The following ZNF547 variants were observed in gnomAD, a reference collection of about 807,000 sequenced individuals.
ZNF547 encodes zinc finger protein 547.
Under a neutral mutation model 7.7 loss-of-function variants are expected in ZNF547, and 4 were observed. The ratio of observed to expected loss-of-function variants is 0.52; its 90% confidence interval spans 0.26 to 1.20. ZNF547 has a LOEUF of 1.20. Ranked by LOEUF, ZNF547 falls within the 50% of genes most tolerant of loss-of-function variation. ZNF547 has a pLI of 0.14. For synonymous variants in ZNF547, 166 were observed against 166.2 expected, an observed-to-expected ratio of 1.00 and a Z score of 0.01; for missense variants, 449 against 485.8, an observed-to-expected ratio of 0.92 and a Z score of 0.71.
intron 3 of ZNF547, among the ~76,000 whole-genome samples, chr19:57,375,040 G>A (rs1029782149): frequency 2.0e-5 from 3 of 152,136 alleles, no homozygotes; most frequent in Non-Finnish European, 2.9e-5. Context: ...ATATTTGTCC[G>A]TTCTCACACT....
In ZNF547 at chr19:57,371,786, A is replaced by G. The variant is rs759027545; in HGVS notation, c.29A>G (p.His10Arg). The G allele has an allele frequency of 1.9e-5, 30 of 1,610,532 alleles. No individual in the cohort carries two copies. The Admixed American group carries it at 4.9e-4, about 27-fold the overall frequency. ...TCATCTTTCCCAATTTGGCAGGGTC[A>G]TGTGGTTTTTGAAGACGTGGCCATA... MAEMNPAQG[H>R]VVFEDVAIYF... Residue 10 changes from histidine (H) to arginine (R), a missense_variant, in exon 3 of 4, where the codon CAT becomes CGT. By Grantham distance (29) the His-to-Arg change is conservative. Transcript: ENST00000282282.
chr19:57,375,019 A>G (rs755765814), intron 3 of ZNF547, among the ~76,000 whole-genome samples: 2 of 152,138 alleles, frequency 1.3e-5, no homozygotes, highest in Non-Finnish European at 2.9e-5. Flanking sequence ...CTACCTCAGT[A>G]CCAGTTTACT....
Position 57,378,566 on chromosome 19 carries a change from A to C in ZNF547, c.*381A>C. 2.6e-6 allele frequency: 1 copy of C among 386,400 alleles called. No homozygotes were observed. Among genetic ancestry groups the C allele is most frequent in the Non-Finnish European group, 5.0e-6 (1 of 198,122 alleles). The allele number at this position is 386,400 out of a possible 1,614,324, so 23.9% of individuals were successfully genotyped here. A position where few individuals can be genotyped will look rare whatever the true frequency, so the allele number is the denominator to read the frequency against. ...CATTATTTTGCTACTACTCCACACTACTTAGACATCATGTAGTTCACACTG... is the reference window on the plus strand; with the variant it reads ...CATTATTTTGCTACTACTCCACACTCCTTAGACATCATGTAGTTCACACTG... On this transcript the variant is annotated 3_prime_UTR_variant, in exon 4 of 4. Coordinates refer to ENST00000282282, the MANE Select transcript of ZNF547 (RefSeq NM_173631.4).
intron 1 of ZNF547, among the ~76,000 whole-genome samples, chr19:57,365,853 T>C (rs1187680516): frequency 6.7e-6 from 1 of 149,212 alleles, no homozygotes; most frequent in African/African-American, 2.5e-5. Flanking sequence ...TCTTTTTCTT[T>C]CTTTCTTTCT....
Position 57,378,033 on chromosome 19 carries a change from G to T in ZNF547, c.1057G>T (p.Glu353Ter), listed in dbSNP as rs1345805654. 1 of 1,614,142 alleles carries T rather than the reference G, an allele frequency of 6.2e-7. No homozygotes were observed. Among genetic ancestry groups the T allele is most frequent in the South Asian group, 1.1e-5 (1 of 91,080 alleles). ...AGTTCACACTGGAGAACGGCCTTATGAATGCAGTGAGTGTGGGAAGGCCTT... is the reference window on the plus strand; with the variant it reads ...AGTTCACACTGGAGAACGGCCTTATTAATGCAGTGAGTGTGGGAAGGCCTT... ...QRVHTGERPY[E>*]CSECGKAFLT... is the part of the protein sequence containing the mutation. Residue 353 changes from glutamate (E) to a stop codon, truncating the protein, a stop_gained, in exon 4 of 4, where the codon GAA becomes TAA. Coordinates refer to ENST00000282282, the MANE Select transcript of ZNF547 (RefSeq NM_173631.4). LOFTEE classifies it low-confidence loss of function (END_TRUNC).
chr19:57,364,708 T>G lies in ZNF547; in HGVS notation c.-13+1005T>G, dbSNP rs561340037. ...GTGAGCCAAGATCGCGCCATTGCACTCCAGCCTGGGCGACAGAGCGAGATT... is the reference window on the plus strand; with the variant it reads ...GTGAGCCAAGATCGCGCCATTGCACGCCAGCCTGGGCGACAGAGCGAGATT... On this transcript the variant is annotated intron_variant, in intron 1 of 3. Coordinates refer to ENST00000282282, the MANE Select transcript of ZNF547 (RefSeq NM_173631.4). 1.6e-4 allele frequency: 136 copies of G among 825,588 alleles called. No homozygotes were observed. In the African/African-American group the frequency reaches 2.1e-3, roughly 13 times the overall value. 51.1% of individuals were successfully genotyped at this position (825,588 alleles called of 1,614,324 possible). A position where few individuals can be genotyped will look rare whatever the true frequency, so the allele number is the denominator to read the frequency against.
chr19:57,377,784 T>C lies in ZNF547; in HGVS notation c.808T>C (p.Cys270Arg). The C allele has an allele frequency of 6.2e-7, 1 of 1,614,218 alleles. No homozygotes were observed. Among genetic ancestry groups the C allele is most frequent in the Non-Finnish European group, 8.5e-7 (1 of 1,180,036 alleles). Reference sequence around the variant, plus strand: ...TCACACTGGAAAGAGGCCTTATGGTTGCAGTGAATGTGGGAAGTTCTTTAA... The same window carrying C: ...TCACACTGGAAAGAGGCCTTATGGTCGCAGTGAATGTGGGAAGTTCTTTAA... ...RVHTGKRPYGCSECGKFFKCN... is the reference protein window; with the variant it reads ...RVHTGKRPYGRSECGKFFKCN... Residue 270 changes from cysteine (C) to arginine (R), a missense_variant, in exon 4 of 4, where the codon TGC (cysteine) becomes CGC (arginine). Coordinates refer to ENST00000282282, the MANE Select transcript of ZNF547 (RefSeq NM_173631.4).
chr19:57,377,426 C>T lies in ZNF547; in HGVS notation c.450C>T (p.His150=). 1.9e-6 allele frequency: 3 copies of T among 1,614,242 alleles called. No individual in the cohort carries two copies. The South Asian group carries it at 3.3e-5, about 18-fold the overall frequency. Residue 150 remains histidine, a synonymous_variant, in exon 4 of 4, where the codon CAC becomes CAT. Coordinates refer to ENST00000282282, the MANE Select transcript of ZNF547 (RefSeq NM_173631.4). Reference sequence around the variant, plus strand: ...CATTTGTGAAGAACCACAGAGTTCACATGGCAGGGAAGACCTTCTTGTGCA... The same window carrying T: ...CATTTGTGAAGAACCACAGAGTTCATATGGCAGGGAAGACCTTCTTGTGCA... ...RPTFVKNHRV[H]MAGKTFLCSE...
chr19:57,363,776 G>C (rs1374395284), intron 1 of ZNF547, 73 bp downstream of exon 1: 3 of 149,998 alleles, frequency 2.0e-5, no homozygotes, highest in African/African-American at 4.9e-5. Context: ...CCATAGAAGG[G>C]GCCCTGCAGG....
intron 3 of ZNF547, among the ~76,000 whole-genome samples, chr19:57,374,996 C>G (rs1005891356): frequency 3.2e-4 from 48 of 152,188 alleles, no homozygotes; most frequent in African/African-American, 1.1e-3. Context: ...GGTATCCTTA[C>G]AGCAGTATTT....
intron 1 of ZNF547, chr19:57,364,047 G>A (rs730315): frequency 0.021 from 3,192 of 152,426 alleles, 69 homozygotes; most frequent in East Asian, 0.084. Flanking sequence ...GGAGGGGCAG[G>A]TCCAGAGTTA....
At position 57,371,842 on chromosome 19, in the gene ZNF547, G is replaced by A. The variant is rs746742923; in HGVS notation, c.85G>A (p.Asp29Asn). 16 of 1,613,676 alleles carry A rather than the reference G, an allele frequency of 9.9e-6. No homozygotes were observed. Among genetic ancestry groups the A allele is most frequent in the African/African-American group, 8.0e-5 (6 of 74,886 alleles). The change falls in exon 3 of 4, where the codon GAT becomes AAT. Residue 29 changes from aspartate (D) to asparagine (N), a missense_variant. Physicochemically the swap from Asp to Asn is conservative, Grantham distance 23. Transcript: ENST00000282282. ...CTCCCAGGAGGAGTGGGGGCATCTC[G>A]ATGAGGCTCAGAGATTGCTGTACCG... ...YFSQEEWGHLDEAQRLLYRDV... is the reference protein window; with the variant it reads ...YFSQEEWGHLNEAQRLLYRDV...
At chr19:57,366,205 TG>T (rs1478651022) in intron 1 of ZNF547, among the ~76,000 whole-genome samples, 102 of 149,568 alleles carry the variant, frequency 6.8e-4, no homozygotes, top group Non-Finnish European at 9.6e-4. Flanking sequence ...AGCTTTTTTG[TG>T]TGTGTGTGTA....
intron 1 of ZNF547, among the ~76,000 whole-genome samples, chr19:57,366,648 C>T (rs774194462): frequency 2.8e-5 from 4 of 144,690 alleles, no homozygotes; most frequent in Admixed American, 7.0e-5. Context: ...TGACTTCAAG[C>T]GATTCTCCTG....
intron 3 of ZNF547, among the ~76,000 whole-genome samples, chr19:57,376,774 T>C (rs1024772832): frequency 2.0e-5 from 3 of 152,148 alleles, no homozygotes; most frequent in Non-Finnish European, 2.9e-5. Context: ...ATAAAATGTA[T>C]TTAATCCTAA....
At chr19:57,367,448 A>G (rs1468533034) in intron 1 of ZNF547, among the ~76,000 whole-genome samples, 2 of 150,204 alleles carry the variant, frequency 1.3e-5, no homozygotes, top group Non-Finnish European at 3.0e-5. Context: ...AAAAAAAAAG[A>G]ATAGAGGGTG....
intron 3 of ZNF547, among the ~76,000 whole-genome samples, chr19:57,376,665 C>A (rs927324120): frequency 2.6e-5 from 4 of 152,128 alleles, no homozygotes; most frequent in African/African-American, 9.7e-5. Context: ...GGTGATTACC[C>A]TTATCTTGTC....
Position 57,377,518 on chromosome 19 carries a change from A to C in ZNF547, c.542A>C (p.Glu181Ala), listed in dbSNP as rs1284658927. The change falls in exon 4 of 4, where the codon GAA becomes GCA. Residue 181 changes from glutamate to alanine, a missense_variant. By Grantham distance (107) the Glu-to-Ala change is moderately radical. Transcript: ENST00000282282. ...LSDHQKIHTG[E>A]RTYKCSKCGI... ...GACCATCAGAAAATCCACACTGGAGAAAGAACTTATAAGTGCAGCAAATGT... is the reference window on the plus strand; with the variant it reads ...GACCATCAGAAAATCCACACTGGAGCAAGAACTTATAAGTGCAGCAAATGT... 17 of 1,614,122 alleles carry C rather than the reference A, an allele frequency of 1.1e-5. No individual in the cohort carries two copies. The highest frequency in any genetic ancestry group is 1.3e-5 in the Non-Finnish European group (15 of 1,180,056).
chr19:57,366,905 T>C (rs2088474381), intron 1 of ZNF547, among the ~76,000 whole-genome samples: 2 of 152,236 alleles, frequency 1.3e-5, no homozygotes, highest in Admixed American at 6.5e-5. Flanking sequence ...GAAACACTTG[T>C]GCAGTGCTAA....
Sources: gnomAD v4.1 joint callset for allele counts (sites outside exome capture counted in the v4.1 genomes callset) on GRCh38, gnomAD v4.1.1 for gene constraint, MANE v1.5 for transcripts, NCBI Gene and HGNC (gene_info 2026-07-23, HGNC 2026-07-21) for gene names.